TRIM23: variants seen among roughly 807,000 people sequenced by gnomAD.
The protein encoded by TRIM23 is tripartite motif containing 23.
A neutral mutation model predicts 71.0 loss-of-function variants in TRIM23; 27 were observed. The ratio of observed to expected loss-of-function variants is 0.38; its 90% CI spans 0.28 to 0.52. The LOEUF (loss-of-function observed/expected upper bound fraction) is 0.52, where lower values mean the gene tolerates loss of function less well. Ranked by LOEUF, TRIM23 falls within the 20% of genes least tolerant of loss-of-function variation. The pLI, the probability that TRIM23 is intolerant of heterozygous loss-of-function variation, is 0.84. For synonymous variants in TRIM23, 234 were observed against 238.0 expected (o/e 0.98, Z 0.16); for missense variants, 482 against 692.3 (o/e 0.70, Z 3.41).
chr5:65,609,430 G>T lies in TRIM23; in HGVS notation c.857C>A (p.Ser286Ter). 1 of 1,613,984 alleles carries T rather than the reference G, an allele frequency of 6.2e-7. No individual in the cohort carries two copies. The highest frequency in any genetic ancestry group is 1.1e-5 in the South Asian group (1 of 91,048). Residue 286 changes from serine to a stop codon, truncating the protein, a stop_gained, in exon 6 of 11, where the codon TCA becomes TAA. Coordinates refer to ENST00000231524, the MANE Select transcript of TRIM23 (RefSeq NM_001656.4). LOFTEE classifies it high-confidence loss of function. ...ATCATAAAAATAAGCTCGAATACAT[G>T]ACCGGGCATTCTCTGCAGTCCCTGG... is the stretch of plus-strand genomic sequence containing the variant. ...HVPGTAENAR[S>*]CIRAYFYDLH...
At chr5:65,607,573 C>T (rs1754541866) in intron 6 of TRIM23, among the ~76,000 whole-genome samples, 1 of 152,156 alleles carries the variant, frequency 6.6e-6, no homozygotes, top group Non-Finnish European at 1.5e-5. Flanking sequence ...GCCATGCAAA[C>T]CTGTAAATTA....
At chr5:65,606,808 C>T (rs1754520118) in intron 6 of TRIM23, 3 of 152,316 alleles carry the variant, frequency 2.0e-5, no homozygotes, top group Admixed American at 2.0e-4. Context: ...CAAACATAAA[C>T]ATGTAGTTGC....
intron 10 of TRIM23, among the ~76,000 whole-genome samples, chr5:65,593,700 G>T (rs551210565): frequency 1.3e-5 from 2 of 152,174 alleles, no homozygotes; most frequent in African/African-American, 4.8e-5. Context: ...AAGGCTCAAG[G>T]TCTAGGAATC....
intron 6 of TRIM23, among the ~76,000 whole-genome samples, chr5:65,607,505 G>T (rs1402471050): frequency 6.6e-6 from 1 of 152,092 alleles, no homozygotes. Context: ...TGTAAACAAG[G>T]TGCTTGCTTC....
At chr5:65,603,299 T>C (rs574381451) in intron 7 of TRIM23, among the ~76,000 whole-genome samples, 49 of 152,346 alleles carry the variant, frequency 3.2e-4, no homozygotes, top group African/African-American at 1.0e-3. Flanking sequence ...TTTTTTATTA[T>C]GTGTTTTTTA....
intron 6 of TRIM23, among the ~76,000 whole-genome samples, chr5:65,607,589 C>T (rs62372460): frequency 0.074 from 11,299 of 152,222 alleles, 424 homozygotes; most frequent in East Asian, 0.099. Flanking sequence ...AATTAAGCCC[C>T]TTTCCTTTAT....
chr5:65,596,842 G>A (rs1423344708), intron 8 of TRIM23, among the ~76,000 whole-genome samples: 1 of 151,788 alleles, frequency 6.6e-6, no homozygotes, highest in Non-Finnish European at 1.5e-5. Flanking sequence ...CCTTCCAACT[G>A]TCCCACCAAT....
chr5:65,591,645 T>TTATATATATATATATATATATATA lies in TRIM23; in HGVS notation c.*123_*124insTATATATATATATATATATATATA, dbSNP rs10644434. ...ACTGAATTCCCAATCCAAGATTCCT[T>TTATATATATATATATATATATATA]TATATATATATATATATATATGCAT... On this transcript the variant is annotated 3_prime_UTR_variant, in exon 11 of 11. Coordinates refer to ENST00000231524, the MANE Select transcript of TRIM23 (RefSeq NM_001656.4). 332 of 717,112 alleles carry TTATATATATATATATATATATATA rather than the reference T, an allele frequency of 4.6e-4. 5 individuals are homozygous for TTATATATATATATATATATATATA. The African/African-American group carries it at 5.3e-3, about 11-fold the overall frequency. The allele number at this position is 717,112 out of a possible 1,614,324, so 44.4% of individuals were successfully genotyped here.
intron 2 of TRIM23, among the ~76,000 whole-genome samples, chr5:65,617,554 T>C (rs1297291168): frequency 2.0e-5 from 3 of 152,092 alleles, no homozygotes; most frequent in African/African-American, 4.8e-5. Context: ...TAGTTTGAAA[T>C]ACGTAAAGAA....
chr5:65,622,667 A>G (rs1177856518), intron 1 of TRIM23, among the ~76,000 whole-genome samples: 2 of 152,194 alleles, frequency 1.3e-5, no homozygotes, highest in East Asian at 3.8e-4. Context: ...TTATGCTACT[A>G]TACCTACTAC....
At chr5:65,619,731 AAAG>A (rs1404483769) in intron 1 of TRIM23, among the ~76,000 whole-genome samples, 15 of 152,374 alleles carry the variant, frequency 9.8e-5, no homozygotes, top group African/African-American at 9.6e-5. Flanking sequence ...TGTTCAGAGA[AAAG>A]AAGATGAAAA....
chr5:65,614,261 G>T (rs1401556832), intron 2 of TRIM23, 42 bp from the exon 3 acceptor site: 3 of 1,565,868 alleles, frequency 1.9e-6, no homozygotes, highest in South Asian at 1.1e-5. Flanking sequence ...TAACAAAATG[G>T]ACTATTAATC....
chr5:65,590,728 G>A lies in TRIM23; in HGVS notation c.*1041C>T. ...TTTTTCCTCTAGAGTAACTTTTCAA[G>A]GCCTTCTCATGAACAGCCTTAAGTT... On this transcript the variant is annotated 3_prime_UTR_variant, in exon 11 of 11. Transcript: ENST00000231524. 2 of 984,782 alleles carry A rather than the reference G, an allele frequency of 2.0e-6. No homozygotes were observed. The highest frequency in any genetic ancestry group is 2.4e-6 in the Non-Finnish European group (2 of 829,810). The allele number at this position is 984,782 out of a possible 1,614,324, so 61.0% of individuals were successfully genotyped here.
intron 2 of TRIM23, among the ~76,000 whole-genome samples, chr5:65,615,867 T>C (rs1162948284): frequency 6.6e-6 from 1 of 152,220 alleles, no homozygotes; most frequent in Non-Finnish European, 1.5e-5. Context: ...AGATTTATTT[T>C]TTGCATCATG....
intron 2 of TRIM23, among the ~76,000 whole-genome samples, chr5:65,615,635 T>C (rs1430986723): frequency 6.6e-6 from 1 of 152,140 alleles, no homozygotes; most frequent in African/African-American, 2.4e-5. Flanking sequence ...TTTTAACACA[T>C]ATTCTACAAC....
intron 3 of TRIM23, 37 bp from the exon 4 acceptor site, chr5:65,611,918 C>G (rs747148409): frequency 2.5e-5 from 39 of 1,588,602 alleles, no homozygotes; most frequent in African/African-American, 5.4e-5. Flanking sequence ...AAATTGAACC[C>G]AATCAGTATA....
chr5:65,611,645 CAT>C lies in TRIM23; in HGVS notation c.601_602del (p.Met201ValfsTer23). On this transcript the variant is annotated frameshift_variant, in exon 4 of 11. Transcript: ENST00000231524. LOFTEE classifies it high-confidence loss of function. ...TTCCATATTCTTTGCAGACACAGCACATGAGTGGGCTAGTTTGACAACCTTCT... is the reference window on the plus strand; with the variant it reads ...TTCCATATTCTTTGCAGACACAGCACGAGTGGGCTAGTTTGACAACCTTCT... ...LEEGCQTSPL[M>X]CCVCKEYGKH... 2 of 1,614,198 alleles carry C rather than the reference CAT, an allele frequency of 1.2e-6. No homozygotes were observed. The highest frequency in any genetic ancestry group is 1.7e-6 in the Non-Finnish European group (2 of 1,180,024).
intron 1 of TRIM23, among the ~76,000 whole-genome samples, chr5:65,621,021 A>C (rs1306607515): frequency 6.6e-6 from 1 of 151,714 alleles, no homozygotes; most frequent in Non-Finnish European, 1.5e-5. Flanking sequence ...CAGAGTGAGA[A>C]CCTGCCTCAA....
chr5:65,610,205 G>C (rs765061961), intron 5 of TRIM23, among the ~76,000 whole-genome samples: 21 of 152,088 alleles, frequency 1.4e-4, no homozygotes, highest in Non-Finnish European at 2.8e-4. Flanking sequence ...CATCCTAATA[G>C]GTCTGCCTGC....
Sources: allele counts gnomAD v4.1 joint callset (sites outside exome capture counted in the v4.1 genomes callset), GRCh38; gene constraint gnomAD v4.1.1; transcripts MANE v1.5; gene names NCBI Gene and HGNC (gene_info 2026-07-23, HGNC 2026-07-21).